MTSS1: variants seen among roughly 807,000 people sequenced by gnomAD.
MTSS1 encodes MTSS I-BAR domain containing 1.
Under a neutral mutation model 79.0 loss-of-function variants are expected in MTSS1, and 18 were observed. The ratio of observed to expected loss-of-function variants is 0.23; its 90% CI spans 0.16 to 0.34. The LOEUF (loss-of-function observed/expected upper bound fraction) is 0.34, where lower values mean the gene tolerates loss of function less well. Among genes scored for constraint, MTSS1 ranks in the 10% least tolerant of loss-of-function variants. The pLI, the probability that MTSS1 is intolerant of heterozygous loss-of-function variation, is 1.00. For synonymous variants in MTSS1, 341 were observed against 368.6 expected, an observed-to-expected ratio of 0.93 and a Z score of 0.86; for missense variants, 815 against 986.2, an observed-to-expected ratio of 0.83 and a Z score of 2.33.
At chr8:124,601,658 G>GGTGTT (rs901743537) in intron 3 of MTSS1, among the ~76,000 whole-genome samples, 5 of 152,300 alleles carry the variant, frequency 3.3e-5, no homozygotes, top group African/African-American at 9.6e-5. Context: ...GGACTGCCCG[G>GGTGTT]GTGTTGCATC....
chr8:124,634,347 A>G (rs1816615361), intron 3 of MTSS1, among the ~76,000 whole-genome samples: 1 of 151,578 alleles, frequency 6.6e-6, no homozygotes. Context: ...ACATTTCACC[A>G]CATTGCCCAG....
intron 3 of MTSS1, among the ~76,000 whole-genome samples, chr8:124,606,011 G>C (rs1398911475): frequency 1.4e-5 from 2 of 143,984 alleles, no homozygotes; most frequent in Non-Finnish European, 3.0e-5. Flanking sequence ...CTGTTGTCCA[G>C]GCTAGAGTGC....
intron 6 of MTSS1, among the ~76,000 whole-genome samples, chr8:124,578,683 T>C (rs1327199691): frequency 6.6e-6 from 1 of 152,094 alleles, no homozygotes; most frequent in Non-Finnish European, 1.5e-5. Context: ...TAATCCCAGC[T>C]ACTTGGGAGG....
At chr8:124,708,247 A>G (rs1471760761) in intron 1 of MTSS1, among the ~76,000 whole-genome samples, 1 of 152,180 alleles carries the variant, frequency 6.6e-6, no homozygotes, top group Non-Finnish European at 1.5e-5. Flanking sequence ...GGCTGAGAGG[A>G]GGAACGAATG....
At position 124,550,828 on chromosome 8, in the gene MTSS1, A is replaced by G. The variant is rs1262689647; in HGVS notation, c.*2164T>C. 1.3e-5 allele frequency: 2 copies of G among 152,636 alleles called. No individual in the cohort carries two copies. Among genetic ancestry groups the G allele is most frequent in the Non-Finnish European group, 2.9e-5 (2 of 68,042 alleles). The allele number at this position is 152,636 out of a possible 1,614,324, so 9.5% of individuals were successfully genotyped here. Reference sequence around the variant, plus strand: ...TTTATTTATAACGTAGGCTGAAGCAATTGTTACAATGTAGGAGGGAGACAC... The same window carrying G: ...TTTATTTATAACGTAGGCTGAAGCAGTTGTTACAATGTAGGAGGGAGACAC... On this transcript the variant is annotated 3_prime_UTR_variant, in exon 14 of 14. Coordinates refer to ENST00000518547, the MANE Select transcript of MTSS1 (RefSeq NM_014751.6).
intron 3 of MTSS1, among the ~76,000 whole-genome samples, chr8:124,685,924 G>GCACCATGTCTCTAAGTGAC (rs1826893974): frequency 1.3e-5 from 2 of 152,228 alleles, no homozygotes; most frequent in African/African-American, 4.8e-5. Context: ...ACGCAAGTGA[G>GCACCATGTCTCTAAGTGAC]CACCATGTCT....
intron 3 of MTSS1, among the ~76,000 whole-genome samples, chr8:124,628,923 C>A (rs931402886): frequency 6.6e-6 from 1 of 152,052 alleles, no homozygotes; most frequent in African/African-American, 2.4e-5. Flanking sequence ...CACAGCAGAC[C>A]CTGAAAGTAA....
chr8:124,632,493 T>C (rs62530686), intron 3 of MTSS1, among the ~76,000 whole-genome samples: 27,804 of 151,570 alleles, frequency 0.18, 2,820 homozygotes, highest in African/African-American at 0.28. Flanking sequence ...TACAAAAAAT[T>C]AAAATAAAAA....
At chr8:124,579,062 T>C (rs1404808880) in intron 6 of MTSS1, among the ~76,000 whole-genome samples, 1 of 152,206 alleles carries the variant, frequency 6.6e-6, no homozygotes, top group Non-Finnish European at 1.5e-5. Context: ...GTTGCAGAGA[T>C]TTCTCTTTGA....
At chr8:124,572,370 TA>T (rs35961627) in intron 6 of MTSS1, among the ~76,000 whole-genome samples, 49,214 of 151,714 alleles carry the variant, frequency 0.32, 8,720 homozygotes, top group African/African-American at 0.46. Flanking sequence ...ATTATATTTA[TA>T]AAAAAAAACT....
intron 3 of MTSS1, among the ~76,000 whole-genome samples, chr8:124,643,903 G>T (rs1298660270): frequency 6.6e-6 from 1 of 152,020 alleles, no homozygotes; most frequent in African/African-American, 2.4e-5. Flanking sequence ...TTGTATTTTT[G>T]AAATTCTGTG....
In MTSS1 at chr8:124,618,996, T is replaced by C. The variant is rs553158463; in HGVS notation, c.209-27761A>G. 3.6e-4 allele frequency among the ~76,000 whole-genome samples: 55 copies of C among 152,362 alleles called. 1 individual carries two copies. The South Asian group carries it at 0.011, about 32-fold the overall frequency. On this transcript the variant is annotated intron_variant, in intron 3 of 13. Transcript: ENST00000518547. ...CTAAGTTTGCCTTTCTAAAATTTTC[T>C]TGTACGTGGTTAACGGCAGGTGATT... is the stretch of plus-strand genomic sequence containing the variant.
intron 3 of MTSS1, among the ~76,000 whole-genome samples, chr8:124,661,567 T>C (rs1316143379): frequency 6.6e-6 from 1 of 152,120 alleles, no homozygotes; most frequent in Non-Finnish European, 1.5e-5. Flanking sequence ...CAGGGTCAGG[T>C]AGTGGAGTCC....
rs770087208 is a variant in MTSS1 at position 124,631,521 on chromosome 8, G to A, written c.209-40286C>T. 3.9e-5 allele frequency among the ~76,000 whole-genome samples: 6 copies of A among 152,264 alleles called. No individual in the cohort carries two copies. In the South Asian group the frequency reaches 1.2e-3, roughly 32 times the overall value. ...TCCTCCATGCTCCCAGGCTTTGTTG[G>A]TGACCTCACCGTGCACCAGACCTTA... is the stretch of plus-strand genomic sequence containing the variant. On this transcript the variant is annotated intron_variant, in intron 3 of 13. Coordinates refer to ENST00000518547, the MANE Select transcript of MTSS1 (RefSeq NM_014751.6).
chr8:124,726,721 C>T (rs904926927), intron 1 of MTSS1, among the ~76,000 whole-genome samples: 2 of 152,294 alleles, frequency 1.3e-5, no homozygotes, highest in East Asian at 3.9e-4. Context: ...TCCAGGCGCC[C>T]AGGCAGCGGC....
At chr8:124,653,020 G>A (rs1820287396) in intron 3 of MTSS1, among the ~76,000 whole-genome samples, 2 of 152,224 alleles carry the variant, frequency 1.3e-5, no homozygotes, top group Admixed American at 1.3e-4. Context: ...GTCTATTGCA[G>A]CGTGACTTTC....
chr8:124,605,963 ATTT>A (rs35985246), intron 3 of MTSS1, among the ~76,000 whole-genome samples: 2,116 of 105,992 alleles, frequency 0.02, 33 homozygotes, highest in African/African-American at 0.077. Context: ...TAGGTATCTC[ATTT>A]TTTTTTTTTT....
chr8:124,627,916 C>G (rs1815046915), intron 3 of MTSS1, among the ~76,000 whole-genome samples: 1 of 152,096 alleles, frequency 6.6e-6, no homozygotes, highest in Non-Finnish European at 1.5e-5. Context: ...CCTGTAATCC[C>G]AACACTTTGG....
intron 1 of MTSS1, among the ~76,000 whole-genome samples, chr8:124,706,740 C>T (rs1454030278): frequency 6.6e-6 from 1 of 152,182 alleles, no homozygotes; most frequent in Non-Finnish European, 1.5e-5. Context: ...TACTTCCACC[C>T]AAGAGCAGAA....
Sources: allele counts gnomAD v4.1 joint callset (sites outside exome capture counted in the v4.1 genomes callset), GRCh38; gene constraint gnomAD v4.1.1; transcripts MANE v1.5; gene names NCBI Gene and HGNC (gene_info 2026-07-23, HGNC 2026-07-21).